Variants in CCDC148 observed in about 807,000 individuals in gnomAD.
CCDC148 encodes the protein coiled-coil domain containing 148.
In CCDC148, 89 loss-of-function variants were observed where a neutral mutation model predicts 85.7. The ratio of observed to expected loss-of-function variants is 1.04; its 90% CI spans 0.87 to 1.24. The LOEUF is 1.24. CCDC148 is among the 50% of genes most tolerant of loss of function. The pLI is 0.00. For synonymous variants in CCDC148, 230 were observed against 213.9 expected (o/e 1.08, Z -0.66); for missense variants, 692 against 671.7 (o/e 1.03, Z -0.33).
chr2:158,281,020 A>C (rs1246630202), intron 9 of CCDC148, among the ~76,000 whole-genome samples: 1 of 152,234 alleles, frequency 6.6e-6, no homozygotes, highest in Non-Finnish European at 1.5e-5. Context: ...CCTGCTCCTG[A>C]TTGATTACTG....
intron 10 of CCDC148, among the ~76,000 whole-genome samples, chr2:158,246,938 C>T (rs1559015350): frequency 6.6e-6 from 1 of 152,156 alleles, no homozygotes; most frequent in African/African-American, 2.4e-5. Flanking sequence ...CATGTAAGAG[C>T]CACCTGTAGA....
At chr2:158,284,528 G>A (rs1033726080) in intron 9 of CCDC148, among the ~76,000 whole-genome samples, 2 of 152,098 alleles carry the variant, frequency 1.3e-5, no homozygotes, top group African/African-American at 4.8e-5. Context: ...ACCAACTCAG[G>A]GAGGAGGACA....
chr2:158,360,855 A>C lies in CCDC148; in HGVS notation c.26-2285T>G, dbSNP rs554303390. 1.3e-3 allele frequency among the ~76,000 whole-genome samples: 193 copies of C among 152,124 alleles called. 1 individual carries two copies. The highest frequency in any genetic ancestry group is 2.4e-3 in the Non-Finnish European group (165 of 67,984). ...CGAACTGACAGAAGTAGGCTTCAGA[A>C]GGTGGGTAATAACAAACTCCCCCAA... On this transcript the variant is annotated intron_variant, in intron 1 of 13. Coordinates refer to ENST00000283233, the MANE Select transcript of CCDC148 (RefSeq NM_138803.4).
At chr2:158,226,098 C>T (rs1192769360) in intron 10 of CCDC148, among the ~76,000 whole-genome samples, 16 of 151,962 alleles carry the variant, frequency 1.1e-4, no homozygotes, top group African/African-American at 2.4e-4. Context: ...ATCAAATAGA[C>T]GCAATAAAAA....
chr2:158,329,230 T>C (rs1380287798), intron 7 of CCDC148, among the ~76,000 whole-genome samples: 1 of 152,244 alleles, frequency 6.6e-6, no homozygotes, highest in African/African-American at 2.4e-5. Context: ...GCTTTCTACA[T>C]ATGGCTAGCC....
intron 1 of CCDC148, among the ~76,000 whole-genome samples, chr2:158,362,229 A>G (rs1257861172): frequency 2.6e-5 from 4 of 152,164 alleles, no homozygotes; most frequent in Non-Finnish European, 5.9e-5. Context: ...TAATAATGGG[A>G]GACTTTAACA....
At chr2:158,321,631 T>C (rs1692522946) in intron 7 of CCDC148, among the ~76,000 whole-genome samples, 1 of 152,184 alleles carries the variant, frequency 6.6e-6, no homozygotes. Context: ...TTACCTATTA[T>C]ACCCCTTTCC....
intron 10 of CCDC148, among the ~76,000 whole-genome samples, chr2:158,245,614 T>A (rs1688539329): frequency 1.3e-5 from 2 of 152,318 alleles, no homozygotes; most frequent in Middle Eastern, 3.4e-3. Flanking sequence ...TAATGGATTC[T>A]GTGGAACTCT....
intron 1 of CCDC148, among the ~76,000 whole-genome samples, chr2:158,404,536 C>T (rs1345109449): frequency 6.6e-6 from 1 of 152,150 alleles, no homozygotes; most frequent in Non-Finnish European, 1.5e-5. Flanking sequence ...ACAGTTCAAA[C>T]TCTTGAAACA....
rs1688995460 is a variant in CCDC148, at chr2:158,256,005, C to T, written c.1111-5093G>A. 3.3e-5 allele frequency among the ~76,000 whole-genome samples: 5 copies of T among 151,680 alleles called. No individual in the cohort carries two copies. In the South Asian group the frequency reaches 1.0e-3, roughly 31 times the overall value. ...ATGGTTAGTAGCATTACATGTACTC[C>T]TCACTCTTAATGTACAGTAAAGTGG... On this transcript the variant is annotated intron_variant, in intron 9 of 13. Transcript: ENST00000283233.
chr2:158,445,208 T>G (rs1688111243), intron 1 of CCDC148, among the ~76,000 whole-genome samples: 1 of 152,234 alleles, frequency 6.6e-6, no homozygotes, highest in South Asian at 2.1e-4. Flanking sequence ...TGCCTATGAT[T>G]TTAAAAATCA....
At chr2:158,316,578 A>T (rs1040543580) in intron 7 of CCDC148, among the ~76,000 whole-genome samples, 10 of 152,232 alleles carry the variant, frequency 6.6e-5, no homozygotes, top group South Asian at 2.1e-4. Flanking sequence ...ATAAAAATTT[A>T]AAAAACATGC....
chr2:158,322,097 T>C (rs908412002), intron 7 of CCDC148, among the ~76,000 whole-genome samples: 1 of 152,190 alleles, frequency 6.6e-6, no homozygotes. Flanking sequence ...TTACCAATGC[T>C]ACCAAAAGTC....
At chr2:158,286,622 A>C (rs1690637220) in intron 9 of CCDC148, among the ~76,000 whole-genome samples, 1 of 152,310 alleles carries the variant, frequency 6.6e-6, no homozygotes, top group Non-Finnish European at 1.5e-5. Flanking sequence ...ATAATATCTA[A>C]GGTAGGACAG....
chr2:158,443,515 A>AAAAAAAAAAAAAAGAAAAGAAAAG (rs1553524474), intron 1 of CCDC148, among the ~76,000 whole-genome samples: 1 of 100,902 alleles, frequency 9.9e-6, no homozygotes, highest in Non-Finnish European at 2.0e-5. Flanking sequence ...AAAAAAAAAA[A>AAAAAAAAAAAAAAGAAAAGAAAAG]AAAAAAAAGA....
At chr2:158,338,149 T>C (rs1418703579) in intron 7 of CCDC148, among the ~76,000 whole-genome samples, 2 of 152,112 alleles carry the variant, frequency 1.3e-5, no homozygotes, top group Admixed American at 6.6e-5. Context: ...AATTTTAACA[T>C]AGAAGACACT....
chr2:158,188,679 C>G (rs1307361060), intron 11 of CCDC148, among the ~76,000 whole-genome samples: 1 of 151,820 alleles, frequency 6.6e-6, no homozygotes, highest in Non-Finnish European at 1.5e-5. Context: ...ATACATTGGC[C>G]TAGGCAAAGC....
At chr2:158,429,169 G>C (rs1687216093) in intron 1 of CCDC148, among the ~76,000 whole-genome samples, 1 of 152,072 alleles carries the variant, frequency 6.6e-6, no homozygotes, top group Non-Finnish European at 1.5e-5. Flanking sequence ...ATAGCATTAG[G>C]AGATATACCT....
intron 7 of CCDC148, among the ~76,000 whole-genome samples, chr2:158,323,216 T>C (rs1692602332): frequency 6.6e-6 from 1 of 152,218 alleles, no homozygotes. Context: ...GTCCAAGATG[T>C]TAGCCCCTAG....
Sources: allele counts gnomAD v4.1 joint callset (sites outside exome capture counted in the v4.1 genomes callset), GRCh38; gene constraint gnomAD v4.1.1; transcripts MANE v1.5; gene names NCBI Gene and HGNC (gene_info 2026-07-23, HGNC 2026-07-21).